Variants in BRINP1 observed in about 807,000 individuals in gnomAD.
BRINP1 encodes the protein BMP/retinoic acid-inducible neural-specific protein 1.
In BRINP1, 17 loss-of-function variants were observed where a neutral mutation model predicts 72.9. The observed-to-expected ratio is 0.23, with a 90% CI of 0.16 to 0.35. BRINP1 has a LOEUF of 0.35. Ranked by LOEUF, BRINP1 falls within the 10% of genes least tolerant of loss-of-function variation. The pLI is 1.00. For synonymous variants in BRINP1, 418 were observed against 378.5 expected (o/e 1.10, Z -1.21); for missense variants, 850 against 1,001.6 (o/e 0.85, Z 2.04).
At chr9:119,292,022 T>G (rs1830826997) in intron 2 of BRINP1, among the ~76,000 whole-genome samples, 1 of 152,108 alleles carries the variant, frequency 6.6e-6, no homozygotes, top group African/African-American at 2.4e-5. Context: ...AAAATGACAC[T>G]CAATGAGAGT....
intron 3 of BRINP1, among the ~76,000 whole-genome samples, chr9:119,247,914 GA>G (rs1438578515): frequency 6.6e-6 from 1 of 152,172 alleles, no homozygotes; most frequent in Admixed American, 6.5e-5. Flanking sequence ...TTGTAGGAAT[GA>G]ATAAATTTGC....
chr9:119,189,864 C>G (rs1335524078), intron 7 of BRINP1, among the ~76,000 whole-genome samples: 1 of 151,966 alleles, frequency 6.6e-6, no homozygotes, highest in Admixed American at 6.6e-5. Context: ...CATCAGCAGA[C>G]TATACATTCA....
At chr9:119,282,952 T>C in intron 2 of BRINP1, 1 of 985,408 alleles carries the variant, frequency 1.0e-6, no homozygotes, top group Non-Finnish European at 1.2e-6. Flanking sequence ...TTCAATGTTA[T>C]ATTAATCACA....
intron 7 of BRINP1, among the ~76,000 whole-genome samples, chr9:119,198,672 ATTTTTT>A (rs35233721): frequency 2.0e-4 from 30 of 146,458 alleles, no homozygotes; most frequent in Non-Finnish European, 4.0e-4. Flanking sequence ...GAAAATATTA[ATTTTTT>A]TTTTTTTTTT....
chr9:119,191,336 A>G (rs895699550), intron 7 of BRINP1, among the ~76,000 whole-genome samples: 2 of 151,874 alleles, frequency 1.3e-5, no homozygotes, highest in African/African-American at 4.8e-5. Flanking sequence ...GAAAGGAAGA[A>G]GTAGAATAAA....
Position 119,168,084 on chromosome 9 carries a change from A to T in BRINP1, c.1286T>A (p.Val429Glu). ...TTLCQRPIPCVIGGNNSCAMC... is the reference protein window; with the variant it reads ...TTLCQRPIPCEIGGNNSCAMC... ...GGCGCAGCTGTTGTTCCCGCCTATCACGCAGGGGATGGGGCGCTGGCACAG... is the reference window on the plus strand; with the variant it reads ...GGCGCAGCTGTTGTTCCCGCCTATCTCGCAGGGGATGGGGCGCTGGCACAG... Residue 429 changes from valine (V) to glutamate (E), a missense_variant, in exon 8 of 8, where the codon GTG becomes GAG. Transcript: ENST00000265922. 6.2e-7 allele frequency: 1 copy of T among 1,610,662 alleles called. No individual in the cohort carries two copies. The highest frequency in any genetic ancestry group is 8.5e-7 in the Non-Finnish European group (1 of 1,177,902).
chr9:119,252,314 C>T (rs778819281), intron 2 of BRINP1, among the ~76,000 whole-genome samples: 23 of 152,104 alleles, frequency 1.5e-4, no homozygotes, highest in Non-Finnish European at 3.2e-4. Context: ...GACAGGGCGT[C>T]CAGATTCCTG....
chr9:119,179,257 C>T (rs911314656), intron 7 of BRINP1, among the ~76,000 whole-genome samples: 2 of 152,174 alleles, frequency 1.3e-5, no homozygotes, highest in African/African-American at 4.8e-5. Context: ...AAAGCATCTT[C>T]CATCTGCAGC....
intron 2 of BRINP1, among the ~76,000 whole-genome samples, chr9:119,308,274 T>C (rs757876767): frequency 6.6e-6 from 1 of 152,218 alleles, no homozygotes; most frequent in East Asian, 1.9e-4. Context: ...GCCACACTAA[T>C]AGAAATCTAG....
At chr9:119,333,196 C>T (rs1383845784) in intron 1 of BRINP1, among the ~76,000 whole-genome samples, 1 of 151,820 alleles carries the variant, frequency 6.6e-6, no homozygotes. Flanking sequence ...TGTGGTGGCT[C>T]ATGCCTGTAA....
At position 119,200,275 on chromosome 9, in the gene BRINP1, G is replaced by C. The variant is rs750394359; in HGVS notation, c.1145+8444C>G. 1.2e-4 allele frequency among the ~76,000 whole-genome samples: 19 copies of C among 152,178 alleles called. 1 individual carries two copies. The highest frequency in any genetic ancestry group is 2.8e-4 in the Non-Finnish European group (19 of 68,034). On this transcript the variant is annotated intron_variant, in intron 7 of 7. Coordinates refer to ENST00000265922, the MANE Select transcript of BRINP1 (RefSeq NM_014618.3). ...TATGAAGAATATAGAAAAGATGTAT[G>C]TGTGCGCTGATAGTCTCATAGGAGA...
chr9:119,339,603 T>G (rs1487131725), intron 1 of BRINP1, among the ~76,000 whole-genome samples: 1 of 152,206 alleles, frequency 6.6e-6, no homozygotes, highest in Non-Finnish European at 1.5e-5. Context: ...TTGGAATAAA[T>G]GGATTTCATC....
intron 1 of BRINP1, among the ~76,000 whole-genome samples, chr9:119,329,880 G>A (rs1282545160): frequency 2.0e-5 from 3 of 152,186 alleles, no homozygotes; most frequent in Admixed American, 2.0e-4. Context: ...GCAGCAGCAA[G>A]ATCCAAATCC....
At chr9:119,262,504 G>A (rs1830506242) in intron 2 of BRINP1, among the ~76,000 whole-genome samples, 1 of 151,900 alleles carries the variant, frequency 6.6e-6, no homozygotes, top group East Asian at 1.9e-4. Context: ...TAAATTGCCG[G>A]GCGCGGTGGT....
chr9:119,209,077 A>C, intron 6 of BRINP1, 136 bp from the exon 7 acceptor site: 1 of 669,534 alleles, frequency 1.5e-6, no homozygotes, highest in Non-Finnish European at 2.6e-6. Context: ...GCCATAGAAC[A>C]TTGCATTAGT....
chr9:119,319,106 T>C (rs370196119), intron 1 of BRINP1, among the ~76,000 whole-genome samples: 9 of 152,190 alleles, frequency 5.9e-5, no homozygotes, highest in African/African-American at 1.7e-4. Flanking sequence ...GGACCCCACA[T>C]GTCAATGATG....
intron 7 of BRINP1, among the ~76,000 whole-genome samples, chr9:119,176,825 T>C (rs546316308): frequency 6.6e-6 from 1 of 152,168 alleles, no homozygotes; most frequent in Non-Finnish European, 1.5e-5. Flanking sequence ...AAATGGATAC[T>C]GTTGAAATGG....
intron 2 of BRINP1, among the ~76,000 whole-genome samples, chr9:119,254,308 G>A (rs1588179189): frequency 6.6e-6 from 1 of 152,134 alleles, no homozygotes; most frequent in African/African-American, 2.4e-5. Context: ...TGTCCAGAAG[G>A]GGGTAAAGCT....
intron 6 of BRINP1, among the ~76,000 whole-genome samples, chr9:119,211,462 G>T (rs917762115): frequency 1.7e-4 from 25 of 150,758 alleles, no homozygotes; most frequent in African/African-American, 6.2e-4. Flanking sequence ...CTCCCAAAGT[G>T]CTGGGATTAC....
Sources: gnomAD v4.1 joint callset for allele counts (sites outside exome capture counted in the v4.1 genomes callset) on GRCh38, gnomAD v4.1.1 for gene constraint, MANE v1.5 for transcripts, NCBI Gene and HGNC (gene_info 2026-07-23, HGNC 2026-07-21) for gene names.